The following ZFPM2 variants were observed in gnomAD, a reference collection of about 807,000 sequenced individuals.
ZFPM2 encodes zinc finger protein ZFPM2.
A neutral mutation model predicts 98.6 loss-of-function variants in ZFPM2; 20 were observed. The ratio of observed to expected loss-of-function variants is 0.20; its 90% CI spans 0.14 to 0.29. The LOEUF is 0.29. Among genes scored for constraint, ZFPM2 ranks in the 10% least tolerant of loss-of-function variants. ZFPM2 has a pLI of 1.00. For synonymous variants in ZFPM2, 518 were observed against 502.7 expected, an observed-to-expected ratio of 1.03 and a Z score of -0.41; for missense variants, 1,310 against 1,388.6, an observed-to-expected ratio of 0.94 and a Z score of 0.90.
intron 1 of ZFPM2, among the ~76,000 whole-genome samples, chr8:105,370,648 C>A (rs371368633): frequency 6.6e-6 from 1 of 152,194 alleles, no homozygotes; most frequent in African/African-American, 2.4e-5. Context: ...GGGATTAAGT[C>A]AAGAGCAAGT....
intron 3 of ZFPM2, among the ~76,000 whole-genome samples, chr8:105,517,079 T>C (rs1439761793): frequency 6.6e-6 from 1 of 152,226 alleles, no homozygotes; most frequent in Non-Finnish European, 1.5e-5. Context: ...ACAAGATTTG[T>C]GGAACCCTTC....
chr8:105,770,829 G>C (rs538200752), intron 5 of ZFPM2, among the ~76,000 whole-genome samples: 1 of 152,286 alleles, frequency 6.6e-6, no homozygotes, highest in South Asian at 2.1e-4. Context: ...CTCACAGAGA[G>C]GAAGGTGCAG....
intron 1 of ZFPM2, among the ~76,000 whole-genome samples, chr8:105,364,099 C>A (rs1404856882): frequency 6.6e-6 from 1 of 152,008 alleles, no homozygotes; most frequent in African/African-American, 2.4e-5. Flanking sequence ...AGAATTCTGA[C>A]ACTAAATGGA....
chr8:105,760,527 T>C (rs1812710475), intron 5 of ZFPM2, among the ~76,000 whole-genome samples: 1 of 152,050 alleles, frequency 6.6e-6, no homozygotes, highest in Non-Finnish European at 1.5e-5. Flanking sequence ...ACTTCCTGTC[T>C]AAAGACTTTG....
At chr8:105,340,494 TC>T (rs1812409201) in intron 1 of ZFPM2, among the ~76,000 whole-genome samples, 1 of 151,968 alleles carries the variant, frequency 6.6e-6, no homozygotes, top group Non-Finnish European at 1.5e-5. Context: ...GAAATACATT[TC>T]TTGATTGTAG....
chr8:105,767,747 G>T lies in ZFPM2; in HGVS notation c.533-20971G>T, dbSNP rs143213973. ...GCTGCCAGATGAGAGACTAAGAGAG[G>T]CTAGCAGTTCAAATGCTTTTTGATA... On this transcript the variant is annotated intron_variant, in intron 5 of 7. Coordinates refer to ENST00000407775, the MANE Select transcript of ZFPM2 (RefSeq NM_012082.4). Among the ~76,000 whole-genome samples the T allele has an allele frequency of 4.7e-3, 711 of 151,906 alleles. 3 individuals carry two copies. Among genetic ancestry groups the T allele is most frequent in the African/African-American group, 0.013 (550 of 41,488 alleles).
intron 5 of ZFPM2, among the ~76,000 whole-genome samples, chr8:105,655,453 A>G (rs1462849486): frequency 6.6e-6 from 1 of 151,306 alleles, no homozygotes. Context: ...CTGGTCTTGA[A>G]CTCCCAACCT....
At chr8:105,330,575 TATATAC>T (rs1812201161) in intron 1 of ZFPM2, among the ~76,000 whole-genome samples, 5 of 101,504 alleles carry the variant, frequency 4.9e-5, no homozygotes, top group African/African-American at 1.8e-4. Flanking sequence ...TATACATATA[TATATAC>T]ATATATATAT....
Position 105,579,046 on chromosome 8 carries a change from C to T in ZFPM2, c.420+17565C>T, listed in dbSNP as rs114415685. ...TTTCTATTAACCATACACTCTGTGGCATATAATGACACGTGGAATACTAAA... is the reference window on the plus strand; with the variant it reads ...TTTCTATTAACCATACACTCTGTGGTATATAATGACACGTGGAATACTAAA... On this transcript the variant is annotated intron_variant, in intron 4 of 7. Coordinates refer to ENST00000407775, the MANE Select transcript of ZFPM2 (RefSeq NM_012082.4). 3.4e-3 allele frequency among the ~76,000 whole-genome samples: 524 copies of T among 152,078 alleles called. 3 individuals carry two copies. Among genetic ancestry groups the T allele is most frequent in the African/African-American group, 0.012 (488 of 41,508 alleles).
At chr8:105,658,766 A>G in intron 5 of ZFPM2, among the ~76,000 whole-genome samples, 1 of 152,096 alleles carries the variant, frequency 6.6e-6, no homozygotes. Flanking sequence ...TTCACTTTTC[A>G]GGTCTTTATT....
At chr8:105,506,577 G>A (rs2130490913) in intron 3 of ZFPM2, among the ~76,000 whole-genome samples, 1 of 152,192 alleles carries the variant, frequency 6.6e-6, no homozygotes, top group Non-Finnish European at 1.5e-5. Flanking sequence ...GGAAATTTGG[G>A]AAATGACATT....
At chr8:105,393,998 A>C (rs1811170663) in intron 1 of ZFPM2, among the ~76,000 whole-genome samples, 1 of 148,486 alleles carries the variant, frequency 6.7e-6, no homozygotes, top group Admixed American at 6.9e-5. Flanking sequence ...GGTTCACGCC[A>C]TTCTCCTGCC....
rs76798448 is a variant in ZFPM2, at chr8:105,454,285, T to C, written c.301+9904T>C. Among the ~76,000 whole-genome samples the C allele has an allele frequency of 3.7e-3, 563 of 152,256 alleles. 2 individuals are homozygous for C. The highest frequency in any genetic ancestry group is 0.013 in the African/African-American group (529 of 41,534). ...TGCATCCTGGTGGTGTTGTGTAGCA[T>C]GTTCTTCGATACCCCACATTTCTTG... is the stretch of plus-strand genomic sequence containing the variant. On this transcript the variant is annotated intron_variant, in intron 3 of 7. Transcript: ENST00000407775.
chr8:105,606,610 C>A (rs2130792267), intron 4 of ZFPM2, among the ~76,000 whole-genome samples: 1 of 152,194 alleles, frequency 6.6e-6, no homozygotes, highest in South Asian at 2.1e-4. Context: ...ACAGAGCAAG[C>A]ACTCCATAAA....
chr8:105,525,756 A>G (rs10104389), intron 3 of ZFPM2, among the ~76,000 whole-genome samples: 8,651 of 152,252 alleles, frequency 0.057, 803 homozygotes, highest in African/African-American at 0.19. Context: ...TGTCCCAGTT[A>G]TCTAAAGGAC....
chr8:105,804,220 C>T lies in ZFPM2; in HGVS notation c.*682C>T, dbSNP rs1814134321. On this transcript the variant is annotated 3_prime_UTR_variant, in exon 8 of 8. Coordinates refer to ENST00000407775, the MANE Select transcript of ZFPM2 (RefSeq NM_012082.4). ...TGTATTTTCTTTCGCTGATGCAGCT[C>T]TGTCTCAATTTTTAAACCTTTGCTG... The T allele has an allele frequency of 1.3e-5, 2 of 152,508 alleles. No homozygotes were observed. The highest frequency in any genetic ancestry group is 2.9e-5 in the Non-Finnish European group (2 of 68,024). The allele number at this position is 152,508 out of a possible 1,614,324, so 9.4% of individuals were successfully genotyped here. A position where few individuals can be genotyped will look rare whatever the true frequency, so the allele number is the denominator to read the frequency against.
intron 1 of ZFPM2, among the ~76,000 whole-genome samples, chr8:105,411,090 A>T (rs1377375045): frequency 3.3e-5 from 5 of 151,842 alleles, no homozygotes; most frequent in Admixed American, 6.6e-5. Context: ...AGATTTTTTT[A>T]AAATTTGCCC....
chr8:105,371,378 C>T (rs1378007621), intron 1 of ZFPM2, among the ~76,000 whole-genome samples: 2 of 152,070 alleles, frequency 1.3e-5, no homozygotes, highest in Admixed American at 6.5e-5. Flanking sequence ...ACTTGGCTTT[C>T]CTGAGTTGTA....
At chr8:105,655,012 C>G (rs1817255151) in intron 5 of ZFPM2, among the ~76,000 whole-genome samples, 1 of 151,978 alleles carries the variant, frequency 6.6e-6, no homozygotes, top group East Asian at 1.9e-4. Flanking sequence ...CCCAAATAAA[C>G]TATTAATTTT....
Sources: allele counts gnomAD v4.1 joint callset (sites outside exome capture counted in the v4.1 genomes callset), GRCh38; gene constraint gnomAD v4.1.1; transcripts MANE v1.5; gene names NCBI Gene and HGNC (gene_info 2026-07-23, HGNC 2026-07-21).